SCAPER: variants seen among roughly 807,000 people sequenced by gnomAD.
SCAPER encodes the protein S phase cyclin A-associated protein in the endoplasmic reticulum.
Under a neutral mutation model 182.2 loss-of-function variants are expected in SCAPER, and 98 were observed. The observed-to-expected ratio is 0.54, with a 90% confidence interval of 0.46 to 0.64. SCAPER has a LOEUF of 0.64. Among genes scored for constraint, SCAPER ranks in the 30% least tolerant of loss-of-function variants. The pLI is 0.00. For synonymous variants in SCAPER, 605 were observed against 564.6 expected (o/e 1.07, Z -1.01); for missense variants, 1,432 against 1,690.0 (o/e 0.85, Z 2.68).
chr15:76,539,375 T>C (rs1367115835), intron 23 of SCAPER, among the ~76,000 whole-genome samples: 3 of 152,026 alleles, frequency 2.0e-5, no homozygotes, highest in African/African-American at 7.3e-5. Flanking sequence ...CATCAGAATA[T>C]TGGGGAAGAA....
In SCAPER at chr15:76,466,358, C is replaced by T. The variant is rs2049613561; in HGVS notation, c.3078+4854G>A. 2.7e-5 allele frequency among the ~76,000 whole-genome samples: 4 copies of T among 145,566 alleles called. No homozygotes were observed. In the Admixed American group the frequency reaches 2.8e-4, roughly 10 times the overall value. The stretch of plus-strand genomic sequence containing the variant: ...GCTTGACTGAGTCTGCTGTTGAACC[C>T]CTATTGTGAATTTTTCAGTGTAGCT... On this transcript the variant is annotated intron_variant, in intron 25 of 31. Transcript: ENST00000563290.
chr15:76,717,650 G>A (rs190548674), intron 17 of SCAPER, among the ~76,000 whole-genome samples: 1 of 152,056 alleles, frequency 6.6e-6, no homozygotes, highest in African/African-American at 2.4e-5. Context: ...GTTTGGATAA[G>A]CTCATAGTAA....
chr15:76,418,602 G>A (rs1261950983), intron 26 of SCAPER, among the ~76,000 whole-genome samples: 1 of 152,204 alleles, frequency 6.6e-6, no homozygotes, highest in Non-Finnish European at 1.5e-5. Context: ...CCATCTCTGA[G>A]GCCCTGCCAT....
At chr15:76,864,125 AC>A (rs1224765127) in intron 2 of SCAPER, among the ~76,000 whole-genome samples, 1 of 152,192 alleles carries the variant, frequency 6.6e-6, no homozygotes, top group East Asian at 1.9e-4. Context: ...AGATGAATGC[AC>A]CCTAACACAC....
intron 5 of SCAPER, among the ~76,000 whole-genome samples, chr15:76,804,961 T>A (rs2066047079): frequency 6.6e-6 from 1 of 152,146 alleles, no homozygotes; most frequent in Non-Finnish European, 1.5e-5. Context: ...GTAGTCCCAG[T>A]CACTCCAGAG....
chr15:76,574,092 A>G, intron 23 of SCAPER, 66 bp downstream of exon 23: 2 of 1,516,068 alleles, frequency 1.3e-6, no homozygotes, highest in Non-Finnish European at 1.8e-6. Context: ...TTATAGCTCT[A>G]TGTACTGTCA....
At chr15:76,681,744 T>A (rs545269718) in intron 20 of SCAPER, among the ~76,000 whole-genome samples, 1 of 152,132 alleles carries the variant, frequency 6.6e-6, no homozygotes, top group Admixed American at 6.5e-5. Context: ...GCAGAAGACA[T>A]CACAACTACC....
At chr15:76,652,694 G>A (rs1340529213) in intron 21 of SCAPER, among the ~76,000 whole-genome samples, 10 of 150,090 alleles carry the variant, frequency 6.7e-5, no homozygotes. Flanking sequence ...CTGGGCGACA[G>A]AGGGAGATTC....
chr15:76,725,078 C>T (rs56657994), intron 17 of SCAPER, among the ~76,000 whole-genome samples: 209 of 152,084 alleles, frequency 1.4e-3, no homozygotes, highest in African/African-American at 4.7e-3. Context: ...TCTCCACCCC[C>T]CAATAAATGG....
intron 25 of SCAPER, among the ~76,000 whole-genome samples, chr15:76,449,597 AT>A (rs772441355): frequency 9.8e-5 from 15 of 152,318 alleles, no homozygotes; most frequent in Non-Finnish European, 2.1e-4. Context: ...AGCTCTTGAT[AT>A]TCTATAATTC....
intron 2 of SCAPER, among the ~76,000 whole-genome samples, chr15:76,873,234 G>C (rs940677161): frequency 6.7e-6 from 1 of 149,560 alleles, no homozygotes; most frequent in Non-Finnish European, 1.5e-5. Context: ...CTGGCCAACA[G>C]AGCCAGACTC....
intron 15 of SCAPER, among the ~76,000 whole-genome samples, chr15:76,740,779 T>A (rs2061500294): frequency 6.6e-6 from 1 of 151,796 alleles, no homozygotes; most frequent in African/African-American, 2.4e-5. Context: ...AAGCAATGAG[T>A]CGATTTACAT....
At chr15:76,898,243 G>C (rs1243484757) in intron 1 of SCAPER, among the ~76,000 whole-genome samples, 2 of 152,076 alleles carry the variant, frequency 1.3e-5, no homozygotes, top group Non-Finnish European at 2.9e-5. Flanking sequence ...CCGTCAAAAA[G>C]ACAAAACAAC....
At chr15:76,572,231 T>C (rs1035921109) in intron 23 of SCAPER, among the ~76,000 whole-genome samples, 2 of 152,196 alleles carry the variant, frequency 1.3e-5, no homozygotes, top group African/African-American at 4.8e-5. Flanking sequence ...TAAAACAATA[T>C]TCATGAGATA....
At chr15:76,763,529 G>A (rs557516901) in intron 14 of SCAPER, among the ~76,000 whole-genome samples, 26 of 113,290 alleles carry the variant, frequency 2.3e-4, no homozygotes, top group Non-Finnish European at 3.9e-4. Context: ...TCCATATTTA[G>A]GAAGTTTTGG....
intron 22 of SCAPER, among the ~76,000 whole-genome samples, chr15:76,577,440 C>T (rs1383374794): frequency 6.6e-6 from 1 of 152,140 alleles, no homozygotes; most frequent in Middle Eastern, 3.4e-3. Flanking sequence ...AAGCAATACC[C>T]TGTTTCAAAA....
intron 2 of SCAPER, among the ~76,000 whole-genome samples, chr15:76,874,650 G>T (rs1028416301): frequency 2.6e-5 from 4 of 151,990 alleles, no homozygotes; most frequent in Non-Finnish European, 4.4e-5. Context: ...GATAACAAAA[G>T]GATATTATAA....
chr15:76,732,827 TAAAAGTCTCTGA>T (rs2061002234), intron 16 of SCAPER, among the ~76,000 whole-genome samples: 1 of 152,174 alleles, frequency 6.6e-6, no homozygotes, highest in Admixed American at 6.5e-5. Context: ...GTGAAAGTAC[TAAAAGTCTCTGA>T]TATGCAGAAA....
chr15:76,597,912 T>A lies in SCAPER; in HGVS notation c.2712-23628A>T, dbSNP rs564241565. Among the ~76,000 whole-genome samples, 108 of 120,452 alleles carry A rather than the reference T, an allele frequency of 9.0e-4. 31 individuals carry two copies. The highest frequency in any genetic ancestry group is 2.3e-3 in the South Asian group (9 of 3,906). 79.0% of individuals were successfully genotyped at this position (120,452 alleles called of 152,430 possible). On this transcript the variant is annotated intron_variant, in intron 22 of 31. Coordinates refer to ENST00000563290, the MANE Select transcript of SCAPER (RefSeq NM_020843.4). Reference sequence around the variant, plus strand: ...ATGGGCAAAGACTTCATGACTAAAATATCAAAAGCTATGGCAATAAAAGAC... The same window carrying A: ...ATGGGCAAAGACTTCATGACTAAAAAATCAAAAGCTATGGCAATAAAAGAC...
Sources: allele counts gnomAD v4.1 joint callset (sites outside exome capture counted in the v4.1 genomes callset), GRCh38; gene constraint gnomAD v4.1.1; transcripts MANE v1.5; gene names NCBI Gene and HGNC (gene_info 2026-07-23, HGNC 2026-07-21).